RAPGEF1: variants seen among roughly 807,000 people sequenced by gnomAD.
The protein encoded by RAPGEF1 is CRK SH3-binding GNRP.
RAPGEF1 carries 33 observed loss-of-function variants against 143.3 expected under a neutral mutation model. The ratio of observed to expected loss-of-function variants is 0.23; its 90% CI spans 0.17 to 0.31. RAPGEF1 has a LOEUF of 0.31. Among genes scored for constraint, RAPGEF1 ranks in the 10% least tolerant of loss-of-function variants. RAPGEF1 has a pLI of 1.00. For missense variants in RAPGEF1, 1,199 were observed against 1,645.4 expected (o/e 0.73, Z 4.69); for synonymous variants, 629 against 676.5 (o/e 0.93, Z 1.09).
At chr9:131,611,309 T>C (rs1957988828) in intron 12 of RAPGEF1, among the ~76,000 whole-genome samples, 2 of 152,328 alleles carry the variant, frequency 1.3e-5, no homozygotes, top group South Asian at 4.1e-4. Context: ...CTTCTCCCTT[T>C]TCAAATAAAC....
chr9:131,623,770 G>C (rs1382759536), intron 10 of RAPGEF1, among the ~76,000 whole-genome samples: 1 of 152,244 alleles, frequency 6.6e-6, no homozygotes, highest in South Asian at 2.1e-4. Context: ...CGGGCAAGAG[G>C]GGCTGGGGAC....
At chr9:131,585,983 C>A (rs1361839535) in intron 22 of RAPGEF1, among the ~76,000 whole-genome samples, 1 of 151,984 alleles carries the variant, frequency 6.6e-6, no homozygotes, top group South Asian at 2.1e-4. Context: ...GTTGAGACCA[C>A]CCTGGCTAAC....
chr9:131,668,054 T>C (rs1428083000), intron 1 of RAPGEF1, among the ~76,000 whole-genome samples: 2 of 152,150 alleles, frequency 1.3e-5, no homozygotes, highest in African/African-American at 4.8e-5. Flanking sequence ...TAGAGAAAAA[T>C]TCTAATAACT....
intron 1 of RAPGEF1, among the ~76,000 whole-genome samples, chr9:131,692,472 C>T (rs1833850080): frequency 6.6e-6 from 1 of 152,206 alleles, no homozygotes; most frequent in African/African-American, 2.4e-5. Context: ...AGAAGCCCTA[C>T]AAGCTGGAGC....
intron 1 of RAPGEF1, among the ~76,000 whole-genome samples, chr9:131,656,767 C>T (rs1972581923): frequency 6.6e-6 from 1 of 152,176 alleles, no homozygotes; most frequent in Non-Finnish European, 1.5e-5. Context: ...GGGCAGGGAC[C>T]AACTAAGGGC....
chr9:131,645,588 G>A (rs1969350989), intron 3 of RAPGEF1, among the ~76,000 whole-genome samples: 1 of 152,236 alleles, frequency 6.6e-6, no homozygotes, highest in South Asian at 2.1e-4. Flanking sequence ...TCTGGGTGTT[G>A]TGCATTCTCC....
chr9:131,634,935 G>A (rs1000594021), intron 5 of RAPGEF1, among the ~76,000 whole-genome samples: 2 of 151,982 alleles, frequency 1.3e-5, no homozygotes, highest in Admixed American at 6.6e-5. Context: ...GGCTGGGTGT[G>A]GTTCTCAGAG....
chr9:131,660,455 AAC>A (rs921829817), intron 1 of RAPGEF1, among the ~76,000 whole-genome samples: 2 of 137,914 alleles, frequency 1.5e-5, no homozygotes, highest in African/African-American at 2.6e-5. Flanking sequence ...TTTTTTTTTA[AAC>A]AACAAGCCAT....
chr9:131,663,390 G>A (rs992325109), intron 1 of RAPGEF1, among the ~76,000 whole-genome samples: 1 of 150,624 alleles, frequency 6.6e-6, no homozygotes, highest in African/African-American at 2.4e-5. Context: ...TCATACCCAA[G>A]ATATTTAACA....
chr9:131,690,153 G>A (rs1249502694), intron 1 of RAPGEF1, among the ~76,000 whole-genome samples: 1 of 152,172 alleles, frequency 6.6e-6, no homozygotes, highest in Non-Finnish European at 1.5e-5. Flanking sequence ...AGGTTACCAA[G>A]AGTTAAAAAG....
In RAPGEF1 at chr9:131,738,927, G is replaced by A. The variant is rs555034250; in HGVS notation, c.61+843C>T. On this transcript the variant is annotated intron_variant, in intron 1 of 26. Coordinates refer to ENST00000683357, the MANE Select transcript of RAPGEF1 (RefSeq NM_001377935.1). ...CCTCATTCAGCCGCCAAGCTAACCT[G>A]CTACCGGGGTTATGACCACAGGGCA... Among the ~76,000 whole-genome samples, 3 of 152,270 alleles carry A rather than the reference G, an allele frequency of 2.0e-5. No individual in the cohort carries two copies. The East Asian group carries it at 5.8e-4, about 29-fold the overall frequency.
intron 1 of RAPGEF1, among the ~76,000 whole-genome samples, chr9:131,720,835 C>T (rs2131277002): frequency 6.6e-6 from 1 of 152,256 alleles, no homozygotes; most frequent in South Asian, 2.1e-4. Flanking sequence ...ACAAGTGTCC[C>T]TATATAATTA....
At chr9:131,596,968 G>A (rs754421347) in intron 16 of RAPGEF1, among the ~76,000 whole-genome samples, 1 of 152,186 alleles carries the variant, frequency 6.6e-6, no homozygotes, top group African/African-American at 2.4e-5. Context: ...GACTTCTGAC[G>A]CTGCACACCT....
chr9:131,604,843 C>G, intron 13 of RAPGEF1, 88 bp downstream of exon 13: 1 of 1,212,536 alleles, frequency 8.2e-7, no homozygotes. Context: ...CTTTCAGGAA[C>G]GTGAAACCGC....
chr9:131,615,624 G>A (rs1246315618), intron 12 of RAPGEF1, among the ~76,000 whole-genome samples: 2 of 152,192 alleles, frequency 1.3e-5, no homozygotes, highest in African/African-American at 2.4e-5. Flanking sequence ...GGGGAGACGG[G>A]AGGGCTGGCT....
intron 1 of RAPGEF1, chr9:131,709,791 C>T (rs1835377087): frequency 6.5e-7 from 1 of 1,538,472 alleles, no homozygotes; most frequent in Admixed American, 2.1e-5. Context: ...ACATCCCAAA[C>T]CACCCAGCGG....
At chr9:131,602,777 G>A (rs371993885) in intron 14 of RAPGEF1, among the ~76,000 whole-genome samples, 30 of 151,790 alleles carry the variant, frequency 2.0e-4, no homozygotes, top group African/African-American at 5.3e-4. Flanking sequence ...CTCTTCCTCC[G>A]GCAGACTTGC....
chr9:131,737,740 G>A lies in RAPGEF1; in HGVS notation c.61+2030C>T, dbSNP rs566459881. 3.3e-5 allele frequency among the ~76,000 whole-genome samples: 5 copies of A among 152,148 alleles called. No homozygotes were observed. In the South Asian group the frequency reaches 8.3e-4, roughly 25 times the overall value. The stretch of plus-strand genomic sequence containing the variant: ...AACACTTTGGGAGGCCGAGGTGGGC[G>A]GATCACGAGGTCAGGAGATCGAGAC... On this transcript the variant is annotated intron_variant, in intron 1 of 26. Transcript: ENST00000683357.
chr9:131,607,341 C>T (rs1174678785), intron 12 of RAPGEF1, among the ~76,000 whole-genome samples: 1 of 152,234 alleles, frequency 6.6e-6, no homozygotes, highest in African/African-American at 2.4e-5. Flanking sequence ...TACACCCTCA[C>T]AGCAGGCTCC....
Sources: gnomAD v4.1 joint callset for allele counts (sites outside exome capture counted in the v4.1 genomes callset) on GRCh38, gnomAD v4.1.1 for gene constraint, MANE v1.5 for transcripts, NCBI Gene and HGNC (gene_info 2026-07-23, HGNC 2026-07-21) for gene names.